The following NOL6 variants were observed in gnomAD, a reference collection of about 807,000 sequenced individuals.
NOL6 encodes nucleolar RNA-associated protein.
NOL6 carries 33 observed loss-of-function variants against 131.7 expected under a neutral mutation model. That is an observed-to-expected ratio of 0.25 (90% CI 0.19 to 0.33). The LOEUF (loss-of-function observed/expected upper bound fraction) is 0.33. Ranked by LOEUF, NOL6 falls within the 10% of genes least tolerant of loss-of-function variation. NOL6 has a pLI of 1.00. For missense variants in NOL6, 1,297 were observed against 1,494.5 expected, an observed-to-expected ratio of 0.87 and a Z score of 2.18; for synonymous variants, 580 against 605.7, an observed-to-expected ratio of 0.96 and a Z score of 0.62.
chr9:33,468,851 A>G lies in NOL6; in HGVS notation c.1048T>C (p.Phe350Leu). ...LDKGQGGFTG[F>L]LVSMLVVFLV... is the part of the protein sequence containing the mutation. ...AAGACAACCAGCATGGAGACAAGGA[A>G]CCCAGTAAACCCACCCTGGCCCTGA... is the stretch of plus-strand genomic sequence containing the variant. The change falls in exon 8 of 26, where the codon TTC (phenylalanine) becomes CTC (leucine). Residue 350 changes from phenylalanine (F) to leucine (L), a missense_variant. By Grantham distance (22) the Phe-to-Leu change is conservative. Transcript: ENST00000297990. 1.2e-6 allele frequency: 2 copies of G among 1,614,108 alleles called. No individual in the cohort carries two copies. Among genetic ancestry groups the G allele is most frequent in the Non-Finnish European group, 8.5e-7 (1 of 1,180,010 alleles).
Position 33,468,157 on chromosome 9 carries a change from G to A in NOL6, c.1309-12C>T. 3.1e-6 allele frequency: 5 copies of A among 1,614,200 alleles called. No individual in the cohort carries two copies. Among genetic ancestry groups the A allele is most frequent in the Non-Finnish European group, 4.2e-6 (5 of 1,180,038 alleles). On this transcript the variant is annotated splice_polypyrimidine_tract_variant and intron_variant, in intron 10 of 25. Coordinates refer to ENST00000297990, the MANE Select transcript of NOL6 (RefSeq NM_022917.5). ...GCCTCATGCTGTACCTGGAGCCACA[G>A]AAGGGACCATCCCTGTGCCCTTCAT...
rs766771664 is a variant in NOL6 at position 33,466,404 on chromosome 9, G to A, written c.2113C>T (p.Arg705Cys). The A allele has an allele frequency of 3.8e-5, 62 of 1,614,202 alleles. No individual in the cohort carries two copies. In the East Asian group the frequency reaches 1.1e-3, roughly 30 times the overall value. ...GTCTCATAGAAGGAGAAGGCTGGACGGACTGGAGTTGGTGGGAACACCTGT... is the reference window on the plus strand; with the variant it reads ...GTCTCATAGAAGGAGAAGGCTGGACAGACTGGAGTTGGTGGGAACACCTGT... ...YTEVFPPTPV[R>C]PAFSFYETLR... is the part of the protein sequence containing the mutation. The change falls in exon 17 of 26, where the codon CGT (arginine) becomes TGT (cysteine). Residue 705 changes from arginine (R) to cysteine (C), a missense_variant. By Grantham distance (180) the Arg-to-Cys change is radical. Transcript: ENST00000297990.
chr9:33,465,873 C>T lies in NOL6; in HGVS notation c.2389G>A (p.Val797Met), dbSNP rs201316237. 6.4e-5 allele frequency: 103 copies of T among 1,613,810 alleles called. No individual in the cohort carries two copies. The highest frequency in any genetic ancestry group is 7.5e-5 in the Non-Finnish European group (88 of 1,179,864). The stretch of plus-strand genomic sequence containing the variant: ...ATCTGGGGCTCCCGCTGATAGGCCA[C>T]GCGAATCCGAAACACAAATCCATCC... Reference protein sequence around the residue: ...LKDGFVFRIRVAYQREPQILK... With the variant: ...LKDGFVFRIRMAYQREPQILK... The change falls in exon 19 of 26, where the codon GTG (valine) becomes ATG (methionine). Residue 797 changes from valine to methionine, a missense_variant. Val to Met is a conservative substitution (Grantham distance 21). Coordinates refer to ENST00000297990, the MANE Select transcript of NOL6 (RefSeq NM_022917.5).
Position 33,463,310 on chromosome 9 carries a change from C to T in NOL6, c.3126G>A (p.Gly1042=). The T allele has an allele frequency of 6.2e-7, 1 of 1,614,086 alleles. No individual in the cohort carries two copies. Among genetic ancestry groups the T allele is most frequent in the Non-Finnish European group, 8.5e-7 (1 of 1,179,984 alleles). Residue 1042 remains glycine, a synonymous_variant, in exon 24 of 26, where the codon GGG becomes GGA. Coordinates refer to ENST00000297990, the MANE Select transcript of NOL6 (RefSeq NM_022917.5). ...SFCRGLLSQP[G]PSSLMPVLGY... is the part of the protein sequence containing the mutation. Reference sequence around the variant, plus strand: ...CCAGCACGGGCATCAGGGATGAGGGCCCCGGCTGGCTGAGCAGGCCCCGGC... The same window carrying T: ...CCAGCACGGGCATCAGGGATGAGGGTCCCGGCTGGCTGAGCAGGCCCCGGC...
intron 1 of NOL6, among the ~76,000 whole-genome samples, chr9:33,472,985 A>C (rs1804477928): frequency 6.6e-6 from 1 of 151,600 alleles, no homozygotes; most frequent in African/African-American, 2.4e-5. Flanking sequence ...AAAAAAAAAA[A>C]AAAGAAGCTG....
At chr9:33,465,682 T>C in intron 19 of NOL6, 52 bp downstream of exon 19, 2 of 1,570,398 alleles carry the variant, frequency 1.3e-6, no homozygotes, top group Non-Finnish European at 1.7e-6. Flanking sequence ...GTGAGGAGAA[T>C]GGGGGCAGGA....
At chr9:33,473,251 G>T (rs1247802697) in intron 1 of NOL6, among the ~76,000 whole-genome samples, 1 of 152,210 alleles carries the variant, frequency 6.6e-6, no homozygotes, top group Non-Finnish European at 1.5e-5. Flanking sequence ...AATTCTTGAA[G>T]ACACTTGAAG....
chr9:33,462,999 C>T, intron 25 of NOL6, 34 bp downstream of exon 25: 1 of 1,594,104 alleles, frequency 6.3e-7, no homozygotes, highest in Non-Finnish European at 8.6e-7. Context: ...CACGTGCACA[C>T]ACTCAGGAAC....
chr9:33,468,559 T>C lies in NOL6; in HGVS notation c.1155A>G (p.Thr385=), dbSNP rs1263210500. ...AACTGATCCCGTTGACTGTCAGGTC[T>C]GTAGTGGCTGAAGTGAATCACAAGT... ...LRSVLQFLAT[T]DLTVNGISLC... The change falls in exon 9 of 26, where the codon ACA becomes ACG. Residue 385 remains threonine, a synonymous_variant. Transcript: ENST00000297990. 1 of 1,614,130 alleles carries C rather than the reference T, an allele frequency of 6.2e-7. No homozygotes were observed. Among genetic ancestry groups the C allele is most frequent in the East Asian group, 2.2e-5 (1 of 44,874 alleles).
At position 33,462,054 on chromosome 9, in the gene NOL6, T is replaced by C. The variant is rs1827107530; in HGVS notation, c.*610A>G. On this transcript the variant is annotated 3_prime_UTR_variant, in exon 26 of 26. Coordinates refer to ENST00000297990, the MANE Select transcript of NOL6 (RefSeq NM_022917.5). ...CCTTCACCTACCCAATCCTTTCCTG[T>C]CCTCGGTTCTTTTCCACTGTCTCCA... 2.9e-6 allele frequency: 2 copies of C among 698,288 alleles called. No homozygotes were observed. Among genetic ancestry groups the C allele is most frequent in the Non-Finnish European group, 2.7e-6 (1 of 372,220 alleles). 43.3% of individuals were successfully genotyped at this position (698,288 alleles called of 1,614,324 possible). A position where few individuals can be genotyped will look rare whatever the true frequency, so the allele number is the denominator to read the frequency against.
chr9:33,469,485 TG>T lies in NOL6; in HGVS notation c.727+13del. ...ATCCCATGCTATGCCCTCAGCCCAA[TG>T]TGTGCCTCTCACCACGCGGCCGCAG... On this transcript the variant is annotated intron_variant, in intron 5 of 25. Coordinates refer to ENST00000297990, the MANE Select transcript of NOL6 (RefSeq NM_022917.5). 1.3e-6 allele frequency: 2 copies of T among 1,598,508 alleles called. No homozygotes were observed. The highest frequency in any genetic ancestry group is 2.7e-5 in the African/African-American group (2 of 74,412).
intron 21 of NOL6, among the ~76,000 whole-genome samples, chr9:33,464,608 G>A (rs937908280): frequency 7.3e-5 from 11 of 151,522 alleles, no homozygotes; most frequent in African/African-American, 2.4e-4. Flanking sequence ...TACTTCTTAC[G>A]TGGTATTCAG....
chr9:33,471,986 C>T lies in NOL6; in HGVS notation c.378+18G>A, dbSNP rs776887290. On this transcript the variant is annotated intron_variant, in intron 3 of 25. Coordinates refer to ENST00000297990, the MANE Select transcript of NOL6 (RefSeq NM_022917.5). The stretch of plus-strand genomic sequence containing the variant: ...AGGTCTCTCTTGGGCTTCCCAGTTC[C>T]CCAGGCCACTTGCTTACCTCTGTCT... The T allele has an allele frequency of 2.5e-6, 4 of 1,583,156 alleles. No individual in the cohort carries two copies. The highest frequency in any genetic ancestry group is 3.5e-6 in the Non-Finnish European group (4 of 1,153,908).
At position 33,466,974 on chromosome 9, in the gene NOL6, G is replaced by T. The variant is rs775255740; in HGVS notation, c.1888C>A (p.Pro630Thr). 1 of 1,614,170 alleles carries T rather than the reference G, an allele frequency of 6.2e-7. No individual in the cohort carries two copies. The highest frequency in any genetic ancestry group is 1.3e-5 in the African/African-American group (1 of 75,038). Residue 630 changes from proline (P) to threonine (T), a missense_variant, in exon 15 of 26, where the codon CCA becomes ACA. Coordinates refer to ENST00000297990, the MANE Select transcript of NOL6 (RefSeq NM_022917.5). ...THLLALHADI[P>T]ETCVHYVGGP... ...CCCACATAGTGGACACAGGTTTCTG[G>T]GATGTCAGCATGGCTGAAAAAGAGG...
Position 33,467,358 on chromosome 9 carries a change from C to A in NOL6, c.1725+36G>T. 6.2e-7 allele frequency: 1 copy of A among 1,612,196 alleles called. No homozygotes were observed. The highest frequency in any genetic ancestry group is 8.5e-7 in the Non-Finnish European group (1 of 1,178,462). On this transcript the variant is annotated intron_variant, in intron 13 of 25. Coordinates refer to ENST00000297990, the MANE Select transcript of NOL6 (RefSeq NM_022917.5). This position sits in a 1 kb window ranked among gnomAD's most constrained non-coding sequence, Gnocchi z 4.4. ...TCCAGGTGCCATGAGGACGAGCCACCCCATTCCTTCCAGTGTACATGCTGG... is the reference window on the plus strand; with the variant it reads ...TCCAGGTGCCATGAGGACGAGCCACACCATTCCTTCCAGTGTACATGCTGG...
intron 1 of NOL6, chr9:33,472,700 CG>C (rs1827447076): frequency 2.2e-6 from 1 of 456,376 alleles, no homozygotes; most frequent in African/African-American, 2.0e-5. Flanking sequence ...AGGCTGGACA[CG>C]GTGGCTGACG....
Position 33,464,133 on chromosome 9 carries a change from G to A in NOL6, c.2808C>T (p.Gly936=), listed in dbSNP as rs1305732180. 2 of 1,612,376 alleles carry A rather than the reference G, an allele frequency of 1.2e-6. No individual in the cohort carries two copies. Among genetic ancestry groups the A allele is most frequent in the Non-Finnish European group, 1.7e-6 (2 of 1,179,228 alleles). ...TVEEQVEIRS[G]FLAARAQLPV... is the part of the protein sequence containing the mutation. Reference sequence around the variant, plus strand: ...GGAGCTGTGCCCGAGCTGCCAGGAAGCCACTGCGGATCTCCACCTGCTCCT... The same window carrying A: ...GGAGCTGTGCCCGAGCTGCCAGGAAACCACTGCGGATCTCCACCTGCTCCT... Residue 936 remains glycine (G), a synonymous_variant, in exon 22 of 26, where the codon GGC becomes GGT. Coordinates refer to ENST00000297990, the MANE Select transcript of NOL6 (RefSeq NM_022917.5).
chr9:33,463,057 G>T lies in NOL6; in HGVS notation c.3267C>A (p.Thr1089=). Residue 1089 remains threonine, a synonymous_variant, in exon 25 of 26, where the codon ACC becomes ACA. Coordinates refer to ENST00000297990, the MANE Select transcript of NOL6 (RefSeq NM_022917.5). ...GEVIGVLWKP[T]SFQPQPFKAS... The stretch of plus-strand genomic sequence containing the variant: ...CCTTGAAGGGCTGCGGCTGGAAGCT[G>T]GTGGGCTTCCAGAGGACACCAATCA... 6.2e-7 allele frequency: 1 copy of T among 1,613,692 alleles called. No homozygotes were observed. The highest frequency in any genetic ancestry group is 1.1e-5 in the South Asian group (1 of 91,038).
Position 33,470,149 on chromosome 9 carries a change from G to C in NOL6, c.421C>G (p.Leu141Val). The C allele has an allele frequency of 6.2e-7, 1 of 1,604,626 alleles. No homozygotes were observed. Among genetic ancestry groups the C allele is most frequent in the Non-Finnish European group, 8.5e-7 (1 of 1,173,360 alleles). Residue 141 changes from leucine (L) to valine (V), a missense_variant, in exon 4 of 26, where the codon CTC (leucine) becomes GTC (valine). Leu to Val is a conservative substitution (Grantham distance 32). Coordinates refer to ENST00000297990, the MANE Select transcript of NOL6 (RefSeq NM_022917.5). ...TTCACGGCATAGGGCACTTGGTGGA[G>C]GGGCACTCGAACCCCAGCTGGGAGC... ...AWLPAGVRVP[L>V]HQVPYAVKGC...
Sources: allele counts gnomAD v4.1 joint callset (sites outside exome capture counted in the v4.1 genomes callset), GRCh38; gene constraint gnomAD v4.1.1; non-coding constraint Gnocchi (gnomAD v3.1); transcripts MANE v1.5; gene names NCBI Gene and HGNC (gene_info 2026-07-23, HGNC 2026-07-21).